Variants in DRC11 observed in about 807,000 individuals in gnomAD.
DRC11 encodes the protein dynein regulatory complex subunit 11.
chr2:236,367,964 C>CA, the DRC11 span: 1 of 558,528 alleles, frequency 1.8e-6, no homozygotes, highest in East Asian at 3.1e-5. The surrounding 1 kb of genome is among the most constrained non-coding windows in gnomAD (Gnocchi z 4.8). Context: ...TGTCCTTCAG[C>CA]CCAGCACTGC....
At chr2:236,491,196 A>G in the DRC11 span, among the ~76,000 whole-genome samples, 28 of 63,204 alleles carry the variant, frequency 4.4e-4, no homozygotes, top group African/African-American at 2.1e-3. Context: ...CAGTATATAT[A>G]TATATATATA....
At chr2:236,402,110 C>T in the DRC11 span, among the ~76,000 whole-genome samples, 2 of 152,212 alleles carry the variant, frequency 1.3e-5, no homozygotes. The surrounding 1 kb of genome is among the most constrained non-coding windows in gnomAD (Gnocchi z 6.0). Flanking sequence ...CTGGAATCCT[C>T]CCCAGCTCAG....
the DRC11 span, chr2:236,408,055 C>T: frequency 1.7e-6 from 1 of 586,364 alleles, no homozygotes; most frequent in South Asian, 1.4e-5. This position sits in a 1 kb window ranked among gnomAD's most constrained non-coding sequence, Gnocchi z 5.5. Flanking sequence ...CTTCTTGGTT[C>T]CCACCACACA....
chr2:236,441,619 A>C, the DRC11 span, among the ~76,000 whole-genome samples: 168 of 152,334 alleles, frequency 1.1e-3, 1 homozygote, highest in African/African-American at 3.9e-3. Context: ...ATAATCACAT[A>C]ATTTCTACAT....
At chr2:236,430,114 T>C in the DRC11 span, among the ~76,000 whole-genome samples, 1 of 152,006 alleles carries the variant, frequency 6.6e-6, no homozygotes, top group Admixed American at 6.5e-5. This position sits in a 1 kb window ranked among gnomAD's most constrained non-coding sequence, Gnocchi z 6.0. Flanking sequence ...TGGCTGATCA[T>C]AATACACTTG....
chr2:236,381,196 A>T, the DRC11 span, among the ~76,000 whole-genome samples: 2 of 152,194 alleles, frequency 1.3e-5, no homozygotes, highest in Non-Finnish European at 2.9e-5. This position sits in a 1 kb window ranked among gnomAD's most constrained non-coding sequence, Gnocchi z 5.8. Context: ...GAAGTGGATA[A>T]TGAGGCCTCA....
chr2:236,455,169 C>T, the DRC11 span: 1 of 152,278 alleles, frequency 6.6e-6, no homozygotes, highest in African/African-American at 2.4e-5. The surrounding 1 kb of genome is among the most constrained non-coding windows in gnomAD (Gnocchi z 5.7). Context: ...ATGACGCTGA[C>T]CACCTACCAC....
chr2:236,401,757 C>G, the DRC11 span, among the ~76,000 whole-genome samples: 32 of 97,234 alleles, frequency 3.3e-4, no homozygotes, highest in African/African-American at 4.0e-4. The surrounding 1 kb of genome is among the most constrained non-coding windows in gnomAD (Gnocchi z 4.6). Flanking sequence ...GGGGTTGGTG[C>G]GGGGAAGAGA....
At chr2:236,367,979 C>G in the DRC11 span, 142 of 580,542 alleles carry the variant, frequency 2.4e-4, 1 homozygote, top group African/African-American at 2.4e-3. The surrounding 1 kb of genome is among the most constrained non-coding windows in gnomAD (Gnocchi z 4.8). Flanking sequence ...CACTGCTAAG[C>G]AGGCACGCAG....
At chr2:236,392,203 G>A in the DRC11 span, 1 of 1,475,086 alleles carries the variant, frequency 6.8e-7, no homozygotes, top group Non-Finnish European at 9.4e-7. The surrounding 1 kb of genome is among the most constrained non-coding windows in gnomAD (Gnocchi z 5.1). Flanking sequence ...AATGGTTGAA[G>A]TAAATGATTT....
chr2:236,375,075 A>T, the DRC11 span, among the ~76,000 whole-genome samples: 1 of 151,898 alleles, frequency 6.6e-6, no homozygotes, highest in Non-Finnish European at 1.5e-5. The surrounding 1 kb of genome is among the most constrained non-coding windows in gnomAD (Gnocchi z 4.2). Context: ...GGATGGTACT[A>T]AACCGTTCAT....
the DRC11 span, among the ~76,000 whole-genome samples, chr2:236,472,787 T>C: frequency 6.6e-6 from 1 of 152,160 alleles, no homozygotes; most frequent in Non-Finnish European, 1.5e-5. This position sits in a 1 kb window ranked among gnomAD's most constrained non-coding sequence, Gnocchi z 4.6. Flanking sequence ...TGGTTAAGTA[T>C]GTCACTCAAA....
the DRC11 span, among the ~76,000 whole-genome samples, chr2:236,471,648 T>C: frequency 2.0e-5 from 3 of 152,212 alleles, no homozygotes; most frequent in Admixed American, 6.5e-5. The surrounding 1 kb of genome is among the most constrained non-coding windows in gnomAD (Gnocchi z 4.6). Flanking sequence ...CAGACAGCAG[T>C]TTCTTTAATG....
the DRC11 span, chr2:236,338,347 T>C: frequency 1.2e-6 from 2 of 1,613,886 alleles, no homozygotes; most frequent in Non-Finnish European, 1.7e-6. Context: ...GTTTCAGGAT[T>C]TGGGGAAGGT....
the DRC11 span, among the ~76,000 whole-genome samples, chr2:236,316,750 G>A: frequency 1.3e-5 from 2 of 152,196 alleles, no homozygotes; most frequent in Non-Finnish European, 2.9e-5. This position sits in a 1 kb window ranked among gnomAD's most constrained non-coding sequence, Gnocchi z 6.8. Context: ...TGGGGACAAT[G>A]AAAACGCCTG....
the DRC11 span, among the ~76,000 whole-genome samples, chr2:236,351,403 G>T: frequency 6.6e-6 from 1 of 152,148 alleles, no homozygotes. This position sits in a 1 kb window ranked among gnomAD's most constrained non-coding sequence, Gnocchi z 7.3. Context: ...CAGATGGTCT[G>T]GAGAGGGGGA....
At chr2:236,503,712 C>G in the DRC11 span, 1 of 1,549,994 alleles carries the variant, frequency 6.5e-7, no homozygotes, top group South Asian at 1.2e-5. This position sits in a 1 kb window ranked among gnomAD's most constrained non-coding sequence, Gnocchi z 4.9. Context: ...GCTTCCTGCT[C>G]CCCAGCTGTC....
At chr2:236,336,844 G>A in the DRC11 span, among the ~76,000 whole-genome samples, 7 of 152,188 alleles carry the variant, frequency 4.6e-5, no homozygotes, top group Admixed American at 6.5e-5. The surrounding 1 kb of genome is among the most constrained non-coding windows in gnomAD (Gnocchi z 7.3). Context: ...GTGTGTCCTC[G>A]GCCTCCCTCG....
At chr2:236,459,624 C>CATAT in the DRC11 span, among the ~76,000 whole-genome samples, 35 of 82,610 alleles carry the variant, frequency 4.2e-4, 1 homozygote, top group South Asian at 8.9e-4. Flanking sequence ...TAAGTATATA[C>CATAT]ATACGTATAT....
Sources: gnomAD v4.1 joint callset for allele counts (sites outside exome capture counted in the v4.1 genomes callset) on GRCh38, gnomAD v4.1.1 for gene constraint, Gnocchi (gnomAD v3.1) non-coding constraint, MANE v1.5 for transcripts, NCBI Gene and HGNC (gene_info 2026-07-23, HGNC 2026-07-21) for gene names.